The following PPARA variants were observed in gnomAD, a reference collection of about 807,000 sequenced individuals.
PPARA encodes peroxisome proliferator activated receptor alpha.
PPARA carries 22 observed loss-of-function variants against 42.2 expected under a neutral mutation model. The ratio of observed to expected loss-of-function variants is 0.52; its 90% CI spans 0.37 to 0.74. The LOEUF (loss-of-function observed/expected upper bound fraction) is 0.74. Among genes scored for constraint, PPARA ranks in the 30% least tolerant of loss-of-function variants. PPARA has a pLI of 0.00. For synonymous variants in PPARA, 242 were observed against 239.3 expected, an observed-to-expected ratio of 1.01 and a Z score of -0.10; for missense variants, 465 against 608.2, an observed-to-expected ratio of 0.76 and a Z score of 2.48.
rs924902139 is a variant in PPARA, at chr22:46,193,229, G to C, written c.-42-5113G>C. 3.9e-5 allele frequency among the ~76,000 whole-genome samples: 6 copies of C among 152,064 alleles called. No homozygotes were observed. The highest frequency in any genetic ancestry group is 1.4e-4 in the African/African-American group (6 of 41,404). On this transcript the variant is annotated intron_variant, in intron 3 of 8. Coordinates refer to ENST00000407236, the MANE Select transcript of PPARA (RefSeq NM_005036.6). This position sits in a 1 kb window ranked among gnomAD's most constrained non-coding sequence, Gnocchi z 5.3. The stretch of plus-strand genomic sequence containing the variant: ...TTATGGGCACGCGCCACCACACCTG[G>C]CTAATGTTTGTATTTTTAGTAGGGA...
chr22:46,154,796 C>A (rs1925005973), intron 2 of PPARA, among the ~76,000 whole-genome samples: 1 of 150,740 alleles, frequency 6.6e-6, no homozygotes, highest in Admixed American at 6.6e-5. Context: ...ACCTCAGCCT[C>A]CCAAGCAGCT....
rs1054586139 is a variant in PPARA at position 46,199,897 on chromosome 22, A to G, written c.208+1306A>G. Among the ~76,000 whole-genome samples the G allele has an allele frequency of 7.9e-5, 12 of 151,838 alleles. 1 individual carries two copies. Among genetic ancestry groups the G allele is most frequent in the Admixed American group, 5.9e-4 (9 of 15,242 alleles). ...GTCACCATGCCGGGCTAATTTTTGTATTTTTAGTAGAGATGGGGTTTCACC... is the reference window on the plus strand; with the variant it reads ...GTCACCATGCCGGGCTAATTTTTGTGTTTTTAGTAGAGATGGGGTTTCACC... On this transcript the variant is annotated intron_variant, in intron 4 of 8. Transcript: ENST00000407236.
Position 46,173,939 on chromosome 22 carries a change from T to TGTAATTA in PPARA, c.-126-2814_-126-2813insGTAATTA, listed in dbSNP as rs1360530613. 1.6e-3 allele frequency among the ~76,000 whole-genome samples: 238 copies of TGTAATTA among 152,038 alleles called. No homozygotes were observed. The highest frequency in any genetic ancestry group is 5.4e-3 in the African/African-American group (225 of 41,412). On this transcript the variant is annotated intron_variant, in intron 2 of 8. Transcript: ENST00000407236. The surrounding 1 kb of genome is among the most constrained non-coding windows in gnomAD (Gnocchi z 4.3). ...GAAATTATGGGCTAGGTGCAGTGGCTCATGCCTGTAATCCCAGCACTTTGG... is the reference window on the plus strand; with the variant it reads ...GAAATTATGGGCTAGGTGCAGTGGCTGTAATTACATGCCTGTAATCCCAGCACTTTGG...
rs1163792701 is a variant in PPARA at position 46,167,593 on chromosome 22, G to A, written c.-126-9160G>A. On this transcript the variant is annotated intron_variant, in intron 2 of 8. Transcript: ENST00000407236. The surrounding 1 kb of genome is among the most constrained non-coding windows in gnomAD (Gnocchi z 4.1). ...ACCTGAGCCCAGAGAGGTCAAGGTTGCAGTGAGCCATGATTGCACCACTGC... is the reference window on the plus strand; with the variant it reads ...ACCTGAGCCCAGAGAGGTCAAGGTTACAGTGAGCCATGATTGCACCACTGC... 6.6e-6 allele frequency among the ~76,000 whole-genome samples: 1 copy of A among 152,186 alleles called. No homozygotes were observed. Among genetic ancestry groups the A allele is most frequent in the Non-Finnish European group, 1.5e-5 (1 of 68,040 alleles).
At chr22:46,177,940 C>T (rs1019694351) in intron 3 of PPARA, among the ~76,000 whole-genome samples, 1 of 152,128 alleles carries the variant, frequency 6.6e-6, no homozygotes, top group African/African-American at 2.4e-5. Flanking sequence ...GAAGGCATAT[C>T]TTGAGGCTTT....
chr22:46,152,370 C>T (rs1924576273), intron 2 of PPARA, among the ~76,000 whole-genome samples: 1 of 152,090 alleles, frequency 6.6e-6, no homozygotes, highest in Non-Finnish European at 1.5e-5. Context: ...AACTCCTGAC[C>T]TCATGATCCA....
In PPARA at chr22:46,192,032, T is replaced by C. The variant is rs1043832864; in HGVS notation, c.-42-6310T>C. Among the ~76,000 whole-genome samples the C allele has an allele frequency of 2.0e-5, 3 of 152,104 alleles. No individual in the cohort carries two copies. In the South Asian group the frequency reaches 6.2e-4, roughly 31 times the overall value. ...GTGAGCCGAGATCACGCCACTGTAC[T>C]CCAGCCTGGTGACAGAGTGAGACTC... is the stretch of plus-strand genomic sequence containing the variant. On this transcript the variant is annotated intron_variant, in intron 3 of 8. Transcript: ENST00000407236. This position sits in a 1 kb window ranked among gnomAD's most constrained non-coding sequence, Gnocchi z 4.3.
At chr22:46,174,247 A>G (rs536423534) in intron 2 of PPARA, among the ~76,000 whole-genome samples, 2 of 147,442 alleles carry the variant, frequency 1.4e-5, no homozygotes, top group Non-Finnish European at 3.0e-5. Flanking sequence ...AGAAAGAAAG[A>G]AAGAAGGAAG....
rs1933912240 is a variant in PPARA at position 46,211,359 on chromosome 22, C to T, written c.209-3814C>T. On this transcript the variant is annotated intron_variant, in intron 4 of 8. Transcript: ENST00000407236. This position sits in a 1 kb window ranked among gnomAD's most constrained non-coding sequence, Gnocchi z 4.1. ...CAGTGGTATCAGAACTGTTAACCCA[C>T]ACCCTGTGGGAAAAAAACTCCATCA... is the stretch of plus-strand genomic sequence containing the variant. Among the ~76,000 whole-genome samples the T allele has an allele frequency of 6.6e-6, 1 of 152,212 alleles. No homozygotes were observed. The highest frequency in any genetic ancestry group is 1.5e-5 in the Non-Finnish European group (1 of 68,032).
Position 46,231,763 on chromosome 22 carries a change from C to T in PPARA, c.712-29C>T, listed in dbSNP as rs1433894840. ...GGGAGCATAGCGCATCCCACATCAC[C>T]TGACTTACCTTGGTGTCCTCCTTTG... On this transcript the variant is annotated intron_variant, in intron 7 of 8. Transcript: ENST00000407236. This position sits in a 1 kb window ranked among gnomAD's most constrained non-coding sequence, Gnocchi z 7.7. 2.5e-6 allele frequency: 4 copies of T among 1,605,290 alleles called. No individual in the cohort carries two copies. The highest frequency in any genetic ancestry group is 1.7e-5 in the Admixed American group (1 of 59,624).
rs578226026 is a variant in PPARA, at chr22:46,183,543, A to AGTT, written c.-43+6707_-43+6708insGTT. 9.6e-4 allele frequency among the ~76,000 whole-genome samples: 146 copies of AGTT among 152,306 alleles called. No individual in the cohort carries two copies. The highest frequency in any genetic ancestry group is 3.4e-3 in the African/African-American group (143 of 41,572). Reference sequence around the variant, plus strand: ...GATCACTTGAGTTCAGGAGTTTGAGACCAGCCTGGGCAACATGGCGAAACC... The same window carrying AGTT: ...GATCACTTGAGTTCAGGAGTTTGAGAGTTCCAGCCTGGGCAACATGGCGAAACC... On this transcript the variant is annotated intron_variant, in intron 3 of 8. Coordinates refer to ENST00000407236, the MANE Select transcript of PPARA (RefSeq NM_005036.6). This position sits in a 1 kb window ranked among gnomAD's most constrained non-coding sequence, Gnocchi z 5.5.
chr22:46,215,148 A>G, intron 4 of PPARA, 25 bp from the exon 5 acceptor site: 1 of 1,612,014 alleles, frequency 6.2e-7, no homozygotes, highest in South Asian at 1.1e-5. Flanking sequence ...TGGACTATTC[A>G]TCCGTCTCTC....
chr22:46,169,332 T>G (rs531462198), intron 2 of PPARA, among the ~76,000 whole-genome samples: 1 of 152,098 alleles, frequency 6.6e-6, no homozygotes, highest in South Asian at 2.1e-4. Context: ...CCTCCCGGGT[T>G]CACGCCAATC....
Position 46,218,308 on chromosome 22 carries a change from T to C in PPARA, c.415T>C (p.Cys139Arg), listed in dbSNP as rs1934682474. Residue 139 changes from cysteine (C) to arginine (R), a missense_variant, in exon 6 of 9, where the codon TGC becomes CGC. Cys to Arg is a radical substitution (Grantham distance 180). Transcript: ENST00000407236. ...TCGACTCAAGCTGGTGTATGACAAG[T>C]GCGACCGCAGCTGCAAGATCCAGAA... ...TIRLKLVYDK[C>R]DRSCKIQKKN... The C allele has an allele frequency of 6.2e-7, 1 of 1,613,980 alleles. No individual in the cohort carries two copies. The highest frequency in any genetic ancestry group is 1.7e-5 in the Admixed American group (1 of 59,988).
In PPARA at chr22:46,165,520, A is replaced by G. The variant is rs750035802; in HGVS notation, c.-126-11233A>G. On this transcript the variant is annotated intron_variant, in intron 2 of 8. Coordinates refer to ENST00000407236, the MANE Select transcript of PPARA (RefSeq NM_005036.6). This position sits in a 1 kb window ranked among gnomAD's most constrained non-coding sequence, Gnocchi z 5.5. Reference sequence around the variant, plus strand: ...CATTGTGTCCCTGGGGTGTTGGCCAATTTATGAAAGAAGCAGTTAAGAGCC... The same window carrying G: ...CATTGTGTCCCTGGGGTGTTGGCCAGTTTATGAAAGAAGCAGTTAAGAGCC... Among the ~76,000 whole-genome samples, 10 of 152,198 alleles carry G rather than the reference A, an allele frequency of 6.6e-5. No homozygotes were observed. Among genetic ancestry groups the G allele is most frequent in the Non-Finnish European group, 1.2e-4 (8 of 68,046 alleles).
chr22:46,217,574 A>T (rs745576353), intron 5 of PPARA, among the ~76,000 whole-genome samples: 3 of 152,158 alleles, frequency 2.0e-5, no homozygotes, highest in Non-Finnish European at 4.4e-5. Flanking sequence ...AAAAATTCTT[A>T]GAAAGTCTTT....
Position 46,222,501 on chromosome 22 carries a change from T to G in PPARA, c.711+2487T>G, listed in dbSNP as rs1450683866. Among the ~76,000 whole-genome samples, 1 of 152,246 alleles carries G rather than the reference T, an allele frequency of 6.6e-6. No homozygotes were observed. On this transcript the variant is annotated intron_variant, in intron 7 of 8. Transcript: ENST00000407236. The surrounding 1 kb of genome is among the most constrained non-coding windows in gnomAD (Gnocchi z 5.9). ...TTTACTGAGTCCTTTAATTCTTCAGTGAATTCTCCAATTAAATAGGCCGAG... is the reference window on the plus strand; with the variant it reads ...TTTACTGAGTCCTTTAATTCTTCAGGGAATTCTCCAATTAAATAGGCCGAG...
chr22:46,175,305 A>G (rs1170160059), intron 2 of PPARA, among the ~76,000 whole-genome samples: 2 of 152,202 alleles, frequency 1.3e-5, no homozygotes, highest in African/African-American at 4.8e-5. Context: ...TAATGTTTCC[A>G]TCACCAATCA....
chr22:46,185,412 C>G (rs1476080885), intron 3 of PPARA, among the ~76,000 whole-genome samples: 1 of 152,076 alleles, frequency 6.6e-6, no homozygotes, highest in Non-Finnish European at 1.5e-5. Flanking sequence ...AGAGTGAGGA[C>G]CATTTGAACT....
Sources: gnomAD v4.1 joint callset for allele counts (sites outside exome capture counted in the v4.1 genomes callset) on GRCh38, gnomAD v4.1.1 for gene constraint, Gnocchi (gnomAD v3.1) non-coding constraint, MANE v1.5 for transcripts, NCBI Gene and HGNC (gene_info 2026-07-23, HGNC 2026-07-21) for gene names.